LTBP3: variants seen among roughly 807,000 people sequenced by gnomAD.
LTBP3 encodes latent-transforming growth factor beta-binding protein 3.
A neutral mutation model predicts 159.7 loss-of-function variants in LTBP3; 97 were observed. The ratio of observed to expected loss-of-function variants is 0.61; its 90% CI spans 0.52 to 0.72. LTBP3 has a LOEUF of 0.72. LTBP3 is among the 30% of genes least tolerant of loss of function. The pLI is 0.00. For missense variants in LTBP3, 1,584 were observed against 1,864.3 expected, an observed-to-expected ratio of 0.85 and a Z score of 2.77; for synonymous variants, 824 against 777.1, an observed-to-expected ratio of 1.06 and a Z score of -1.00.
In LTBP3 at chr11:65,547,411, T is replaced by A. The variant is rs758329047; in HGVS notation, c.2107+28A>T. 86 of 1,610,360 alleles carry A rather than the reference T, an allele frequency of 5.3e-5. No individual in the cohort carries two copies. Among genetic ancestry groups the A allele is most frequent in the Non-Finnish European group, 7.0e-5 (82 of 1,179,788 alleles). ...GGTGGAGAGACAGCTAAGGAGCTCCTTCTTTGGTCTGAATGGGGTCCCCTC... is the reference window on the plus strand; with the variant it reads ...GGTGGAGAGACAGCTAAGGAGCTCCATCTTTGGTCTGAATGGGGTCCCCTC... On this transcript the variant is annotated intron_variant, in intron 14 of 27. Coordinates refer to ENST00000301873, the MANE Select transcript of LTBP3 (RefSeq NM_001130144.3). This position sits in a 1 kb window ranked among gnomAD's most constrained non-coding sequence, Gnocchi z 4.6.
Position 65,540,005 on chromosome 11 carries a change from G to A in LTBP3, c.3385+8C>T. On this transcript the variant is annotated splice_region_variant and intron_variant, in intron 24 of 27. Transcript: ENST00000301873. ...CCGGGATCGGCCAAGGCCAACCCTC[G>A]CCCTCACCGGCCGGGCTCTCGGGGA... 6.7e-7 allele frequency: 1 copy of A among 1,490,248 alleles called. No individual in the cohort carries two copies. Among genetic ancestry groups the A allele is most frequent in the South Asian group, 1.3e-5 (1 of 77,538 alleles). The allele number at this position is 1,490,248 out of a possible 1,614,324, so 92.3% of individuals were successfully genotyped here. A position where few individuals can be genotyped will look rare whatever the true frequency, so the allele number is the denominator to read the frequency against.
At position 65,558,099 on chromosome 11, in the gene LTBP3, G is replaced by A. The variant is rs1168393688; in HGVS notation, c.-140C>T. The A allele has an allele frequency of 4.3e-5, 46 of 1,076,832 alleles. No homozygotes were observed. Among genetic ancestry groups the A allele is most frequent in the Non-Finnish European group, 5.1e-5 (45 of 887,804 alleles). 66.7% of individuals were successfully genotyped at this position (1,076,832 alleles called of 1,614,324 possible). On this transcript the variant is annotated 5_prime_UTR_variant, in exon 1 of 28. Transcript: ENST00000301873. ...GGCAGCGGGGGAAGCGGGCGGGAGG[G>A]GACCGCGGGGGCCCGGCGGGAGGCG... is the stretch of plus-strand genomic sequence containing the variant.
intron 21 of LTBP3, 31 bp downstream of exon 21, chr11:65,540,840 C>T: frequency 4.4e-6 from 7 of 1,594,018 alleles, no homozygotes; most frequent in Non-Finnish European, 6.0e-6. Context: ...GGTGAGAGGG[C>T]GCGGGGCGGG....
At chr11:65,548,340 A>C in intron 11 of LTBP3, 6 of 586,786 alleles carry the variant, frequency 1.0e-5, no homozygotes, top group Middle Eastern at 4.5e-4. Context: ...ACCAAACCAC[A>C]TCCCCTCAGG....
chr11:65,549,757 GAAA>G (rs752434010), intron 11 of LTBP3, among the ~76,000 whole-genome samples: 2 of 104,506 alleles, frequency 1.9e-5, no homozygotes, highest in East Asian at 2.7e-4. Flanking sequence ...CCCAGGCCGG[GAAA>G]AAAAAAAAAA....
rs779359324 is a variant in LTBP3, at chr11:65,552,276, C to T, written c.1317G>A (p.Arg439=). 1.9e-6 allele frequency: 3 copies of T among 1,614,002 alleles called. No individual in the cohort carries two copies. Among genetic ancestry groups the T allele is most frequent in the Non-Finnish European group, 2.5e-6 (3 of 1,180,018 alleles). Residue 439 remains arginine, a synonymous_variant, in exon 7 of 28, where the codon CGG becomes CGA. Coordinates refer to ENST00000301873, the MANE Select transcript of LTBP3 (RefSeq NM_001130144.3). The surrounding 1 kb of genome is among the most constrained non-coding windows in gnomAD (Gnocchi z 6.0). ...CCSVGKAWGA[R]CQRCPTDGTA... ...TGCCATCTGTTGGGCAGCGCTGACA[C>T]CGCGCGCCCCAGGCCTTGCCGACAC...
intron 1 of LTBP3, among the ~76,000 whole-genome samples, chr11:65,557,221 A>G (rs1376509779): frequency 1.3e-5 from 2 of 152,170 alleles, no homozygotes; most frequent in Non-Finnish European, 2.9e-5. Flanking sequence ...GACATTTTGT[A>G]AAGACTTTTC....
chr11:65,549,976 C>T (rs1339196044), intron 11 of LTBP3, among the ~76,000 whole-genome samples: 2 of 152,078 alleles, frequency 1.3e-5, no homozygotes, highest in East Asian at 3.9e-4. Flanking sequence ...TTCTTGAGCA[C>T]CTACTATGTG....
At position 65,539,859 on chromosome 11, in the gene LTBP3, G is replaced by A. The variant is rs779288121; in HGVS notation, c.3408C>T (p.Asp1136=). The A allele has an allele frequency of 2.4e-4, 370 of 1,517,848 alleles. No homozygotes were observed. The highest frequency in any genetic ancestry group is 3.2e-4 in the Non-Finnish European group (362 of 1,140,060). The allele number at this position is 1,517,848 out of a possible 1,614,324, so 94.0% of individuals were successfully genotyped here. Residue 1136 remains aspartate, a synonymous_variant, in exon 25 of 28, where the codon GAC becomes GAT. Coordinates refer to ENST00000301873, the MANE Select transcript of LTBP3 (RefSeq NM_001130144.3). ...CCTCTCCGCGCTGGCTCCAGCACACGTCGCGCCGCTCCGGGGCACGCTCTG... is the reference window on the plus strand; with the variant it reads ...CCTCTCCGCGCTGGCTCCAGCACACATCGCGCCGCTCCGGGGCACGCTCTG... ...SPAERAPERR[D]VCWSQRGEDG...
Position 65,552,885 on chromosome 11 carries a change from T to TACAC in LTBP3, c.1160_1161insGTGT (p.Gly388CysfsTer26), listed in dbSNP as rs2135155640. On this transcript the variant is annotated frameshift_variant, in exon 6 of 28. Coordinates refer to ENST00000301873, the MANE Select transcript of LTBP3 (RefSeq NM_001130144.3). LOFTEE classifies it high-confidence loss of function. This position sits in a 1 kb window ranked among gnomAD's most constrained non-coding sequence, Gnocchi z 6.0. ...CAATGCACTGTGTACGGGAGGGGCC[T>TACAC]AAACTATGGCCAGGTGGGCAGACAC... 1.2e-6 allele frequency: 2 copies of TACAC among 1,614,038 alleles called. No homozygotes were observed. The highest frequency in any genetic ancestry group is 3.3e-5 in the Admixed American group (2 of 60,020).
chr11:65,556,668 G>T (rs957073566), intron 1 of LTBP3, among the ~76,000 whole-genome samples: 1 of 152,226 alleles, frequency 6.6e-6, no homozygotes, highest in Non-Finnish European at 1.5e-5. Flanking sequence ...GGCAATATGC[G>T]CACAGACACA....
At position 65,546,955 on chromosome 11, in the gene LTBP3, G is replaced by A; in HGVS notation, c.2108-35C>T. 1 of 1,606,210 alleles carries A rather than the reference G, an allele frequency of 6.2e-7. No individual in the cohort carries two copies. Among genetic ancestry groups the A allele is most frequent in the Non-Finnish European group, 8.5e-7 (1 of 1,179,438 alleles). On this transcript the variant is annotated intron_variant, in intron 14 of 27. Coordinates refer to ENST00000301873, the MANE Select transcript of LTBP3 (RefSeq NM_001130144.3). The surrounding 1 kb of genome is among the most constrained non-coding windows in gnomAD (Gnocchi z 4.0). ...AGGGAGAAGGAAGAGGACCCATCTG[G>A]GGACAACGCGGGTGGCCCGGCTCCC...
At position 65,554,202 on chromosome 11, in the gene LTBP3, C is replaced by T. The variant is rs1229558573; in HGVS notation, c.510G>A (p.Pro170=). The change falls in exon 2 of 28, where the codon CCG becomes CCA. Residue 170 remains proline, a synonymous_variant. Coordinates refer to ENST00000301873, the MANE Select transcript of LTBP3 (RefSeq NM_001130144.3). The surrounding 1 kb of genome is among the most constrained non-coding windows in gnomAD (Gnocchi z 5.3). Reference sequence around the variant, plus strand: ...CAGAGTCGCCCTCCGGAGCCAGGGGCGGCAGCGCCCCTGTGGACAGGGCCC... The same window carrying T: ...CAGAGTCGCCCTCCGGAGCCAGGGGTGGCAGCGCCCCTGTGGACAGGGCCC... The part of the protein sequence containing the change: ...RTGALSTGAL[P]PLAPEGDSVA... 5 of 1,610,864 alleles carry T rather than the reference C, an allele frequency of 3.1e-6. No individual in the cohort carries two copies. Among genetic ancestry groups the T allele is most frequent in the Non-Finnish European group, 3.4e-6 (4 of 1,179,384 alleles).
chr11:65,557,907 G>T lies in LTBP3; in HGVS notation c.53C>A (p.Ala18Glu). ...CAGCGCCAGCAGCCCCGCCGCCCCCGCCCCGCGCATCTCAGGGGCCAGGCC... is the reference window on the plus strand; with the variant it reads ...CAGCGCCAGCAGCCCCGCCGCCCCCTCCCCGCGCATCTCAGGGGCCAGGCC... Reference protein sequence around the residue: ...AGGLAPEMRGAGAAGLLALLL... With the variant: ...AGGLAPEMRGEGAAGLLALLL... The change falls in exon 1 of 28, where the codon GCG (alanine) becomes GAG (glutamate). Residue 18 changes from alanine (A) to glutamate (E), a missense_variant. Physicochemically the swap from Ala to Glu is moderately radical, Grantham distance 107. Transcript: ENST00000301873. 7.9e-7 allele frequency: 1 copy of T among 1,267,294 alleles called. No individual in the cohort carries two copies. Among genetic ancestry groups the T allele is most frequent in the Non-Finnish European group, 1.0e-6 (1 of 996,932 alleles). 78.5% of individuals were successfully genotyped at this position (1,267,294 alleles called of 1,614,324 possible).
Position 65,539,533 on chromosome 11 carries a change from C to G in LTBP3, c.3628+15G>C, listed in dbSNP as rs1396695706. The G allele has an allele frequency of 1.2e-6, 2 of 1,611,578 alleles. No homozygotes were observed. Among genetic ancestry groups the G allele is most frequent in the Non-Finnish European group, 1.7e-6 (2 of 1,178,840 alleles). On this transcript the variant is annotated intron_variant, in intron 26 of 27. Coordinates refer to ENST00000301873, the MANE Select transcript of LTBP3 (RefSeq NM_001130144.3). The stretch of plus-strand genomic sequence containing the variant: ...GGCTACCAACCCCGCCACCGCCCGA[C>G]CCGGCAGCACTCACCTCTTGGGGGC...
chr11:65,540,877 G>A lies in LTBP3; in HGVS notation c.2971C>T (p.His991Tyr). The A allele has an allele frequency of 1.2e-6, 2 of 1,611,982 alleles. No homozygotes were observed. The highest frequency in any genetic ancestry group is 1.7e-4 in the Middle Eastern group (1 of 6,018). Residue 991 changes from histidine (H) to tyrosine (Y), a missense_variant, in exon 21 of 28, where the codon CAC becomes TAC. His to Tyr is a moderately conservative substitution (Grantham distance 83). Transcript: ENST00000301873. ...NNIVNYGIPA[H>Y]RDIDECMLFG... ...GGAGCCGCAGGGCGCTTACCACGGT[G>A]GGCTGGGATGCCGTAGTTGACGATG...
In LTBP3 at chr11:65,546,325, G is replaced by A. The variant is rs1427186294; in HGVS notation, c.2353+117C>T. ...TTCGTTGAGAAAATGAGTGAGCAGA[G>A]TCACCTGGGGATGAATGAGCCACCT... On this transcript the variant is annotated intron_variant, in intron 16 of 27. Transcript: ENST00000301873. The surrounding 1 kb of genome is among the most constrained non-coding windows in gnomAD (Gnocchi z 4.0). 3.2e-6 allele frequency: 4 copies of A among 1,263,476 alleles called. No individual in the cohort carries two copies. The South Asian group carries it at 4.8e-5, about 15-fold the overall frequency. The allele number at this position is 1,263,476 out of a possible 1,614,324, so 78.3% of individuals were successfully genotyped here.
Position 65,539,797 on chromosome 11 carries a change from A to AGGGCAGGCCC in LTBP3, c.3460_3469dup (p.Leu1157ArgfsTer58). 3.9e-6 allele frequency: 6 copies of AGGGCAGGCCC among 1,542,284 alleles called. No homozygotes were observed. Among genetic ancestry groups the AGGGCAGGCCC allele is most frequent in the Non-Finnish European group, 5.2e-6 (6 of 1,151,630 alleles). On this transcript the variant is annotated frameshift_variant, in exon 25 of 28. Coordinates refer to ENST00000301873, the MANE Select transcript of LTBP3 (RefSeq NM_001130144.3). LOFTEE classifies it high-confidence loss of function. ...GCGGCAGCAGCAGTCGTCGAAGGTG[A>AGGGCAGGCCC]GGGCAGGCCCGGCCAGGGGGCCAGC...
chr11:65,550,143 C>T (rs892468248), intron 11 of LTBP3, among the ~76,000 whole-genome samples: 2 of 152,180 alleles, frequency 1.3e-5, no homozygotes, highest in Non-Finnish European at 2.9e-5. Flanking sequence ...GGCGTGGTGG[C>T]TCACACCTGT....
Sources: gnomAD v4.1 joint callset for allele counts (sites outside exome capture counted in the v4.1 genomes callset) on GRCh38, gnomAD v4.1.1 for gene constraint, Gnocchi (gnomAD v3.1) non-coding constraint, MANE v1.5 for transcripts, NCBI Gene and HGNC (gene_info 2026-07-23, HGNC 2026-07-21) for gene names.